Variants in PRKCA observed in about 807,000 individuals in gnomAD.
The protein encoded by PRKCA is protein kinase C alpha.
A neutral mutation model predicts 87.0 loss-of-function variants in PRKCA; 27 were observed. That is an observed-to-expected ratio of 0.31 (90% CI 0.23 to 0.43). PRKCA has a LOEUF of 0.43. Ranked by LOEUF, PRKCA falls within the 20% of genes least tolerant of loss-of-function variation. The pLI is 1.00. For missense variants in PRKCA, 518 were observed against 852.3 expected (o/e 0.61, Z 4.88); for synonymous variants, 329 against 311.1 (o/e 1.06, Z -0.61).
chr17:66,310,319 GCT>G (rs1318009227), intron 2 of PRKCA, among the ~76,000 whole-genome samples: 1 of 151,850 alleles, frequency 6.6e-6, no homozygotes, highest in Non-Finnish European at 1.5e-5. Context: ...TGAGAATTAA[GCT>G]CTGTCAGTAA....
In PRKCA at chr17:66,574,484, C is replaced by G. The variant is rs184966245; in HGVS notation, c.289-66871C>G. 4.6e-5 allele frequency among the ~76,000 whole-genome samples: 7 copies of G among 152,136 alleles called. No homozygotes were observed. In the East Asian group the frequency reaches 9.6e-4, roughly 21 times the overall value. On this transcript the variant is annotated intron_variant, in intron 3 of 16. Coordinates refer to ENST00000413366, the MANE Select transcript of PRKCA (RefSeq NM_002737.3). ...AAAGCACTTAGAACCCTGTCTAGCA[C>G]GGAGAAACAGCGCAGTTGTCACCCC... is the stretch of plus-strand genomic sequence containing the variant.
intron 3 of PRKCA, among the ~76,000 whole-genome samples, chr17:66,531,447 C>G (rs1967537195): frequency 6.6e-6 from 1 of 152,188 alleles, no homozygotes; most frequent in Admixed American, 6.5e-5. Context: ...CCAGAACTCC[C>G]CCATTGACCC....
At chr17:66,406,230 A>G (rs1202109916) in intron 2 of PRKCA, among the ~76,000 whole-genome samples, 1 of 152,166 alleles carries the variant, frequency 6.6e-6, no homozygotes, top group Non-Finnish European at 1.5e-5. Flanking sequence ...CAGGTCTCCC[A>G]TTAAAGAACG....
intron 3 of PRKCA, among the ~76,000 whole-genome samples, chr17:66,631,449 C>T (rs1971007813): frequency 6.6e-6 from 1 of 152,036 alleles, no homozygotes; most frequent in Non-Finnish European, 1.5e-5. Context: ...ACTATGTTGC[C>T]CAGGCTGAAG....
At chr17:66,443,587 G>A (rs933306951) in intron 2 of PRKCA, among the ~76,000 whole-genome samples, 11 of 152,188 alleles carry the variant, frequency 7.2e-5, no homozygotes, top group Non-Finnish European at 1.3e-4. Flanking sequence ...ATGGTGGCAT[G>A]TTGGGCTCTA....
At chr17:66,437,731 T>TTTTTTTTTGTGGG (rs55779501) in intron 2 of PRKCA, among the ~76,000 whole-genome samples, 4 of 11,140 alleles carry the variant, frequency 3.6e-4, no homozygotes, top group Non-Finnish European at 4.9e-4. Context: ...TTTTTTTTTT[T>TTTTTTTTTGTGGG]GAGCGGGGGG....
intron 2 of PRKCA, among the ~76,000 whole-genome samples, chr17:66,385,710 T>C (rs1910022888): frequency 6.6e-6 from 1 of 152,162 alleles, no homozygotes; most frequent in African/African-American, 2.4e-5. Context: ...ACATAGACGC[T>C]GCCTCTACAA....
In PRKCA at chr17:66,546,473, C is replaced by T. The variant is rs542200092; in HGVS notation, c.288+50190C>T. Among the ~76,000 whole-genome samples, 112 of 152,322 alleles carry T rather than the reference C, an allele frequency of 7.4e-4. 1 individual carries two copies. The highest frequency in any genetic ancestry group is 2.7e-3 in the Admixed American group (42 of 15,302). ...TTGAAGGCTCTTGGCAAGAATCTTT[C>T]CTTGCATTTTCCTACGTTGTGTTAG... On this transcript the variant is annotated intron_variant, in intron 3 of 16. Coordinates refer to ENST00000413366, the MANE Select transcript of PRKCA (RefSeq NM_002737.3).
At chr17:66,378,371 G>A (rs1471613011) in intron 2 of PRKCA, among the ~76,000 whole-genome samples, 1 of 152,020 alleles carries the variant, frequency 6.6e-6, no homozygotes, top group Non-Finnish European at 1.5e-5. Context: ...AAAATATAAG[G>A]GATATATGGA....
chr17:66,645,624 C>T, intron 5 of PRKCA, 113 bp downstream of exon 5: 1 of 1,458,052 alleles, frequency 6.9e-7, no homozygotes, highest in South Asian at 1.3e-5. Context: ...TCTGGAGAGG[C>T]AGTCGCCCTG....
chr17:66,647,415 C>T (rs1192287898), intron 5 of PRKCA, among the ~76,000 whole-genome samples: 1 of 152,196 alleles, frequency 6.6e-6, no homozygotes, highest in Non-Finnish European at 1.5e-5. Context: ...CATGTGGCTA[C>T]CTTATGGCTC....
intron 3 of PRKCA, among the ~76,000 whole-genome samples, chr17:66,499,508 A>G (rs1049868395): frequency 2.6e-5 from 4 of 152,238 alleles, no homozygotes; most frequent in Admixed American, 6.5e-5. Flanking sequence ...CCATGGATCA[A>G]TTGATGCCTG....
chr17:66,523,645 C>T (rs1967244415), intron 3 of PRKCA, among the ~76,000 whole-genome samples: 1 of 152,176 alleles, frequency 6.6e-6, no homozygotes, highest in African/African-American at 2.4e-5. Flanking sequence ...ATCATGCTCC[C>T]TTCCCTGAAT....
chr17:66,783,468 GTCC>G (rs1975294375), intron 14 of PRKCA, among the ~76,000 whole-genome samples: 1 of 152,124 alleles, frequency 6.6e-6, no homozygotes, highest in South Asian at 2.1e-4. Context: ...GACAGTAAAA[GTCC>G]TCCTTTCATC....
At chr17:66,438,411 G>T (rs1913530207) in intron 2 of PRKCA, among the ~76,000 whole-genome samples, 1 of 152,112 alleles carries the variant, frequency 6.6e-6, no homozygotes, top group African/African-American at 2.4e-5. Context: ...GAGATTGGGA[G>T]CCCAAACCTG....
At chr17:66,611,730 T>G (rs1970369751) in intron 3 of PRKCA, among the ~76,000 whole-genome samples, 1 of 152,216 alleles carries the variant, frequency 6.6e-6, no homozygotes, top group Non-Finnish European at 1.5e-5. Context: ...GTATTAAGCA[T>G]TTTGAAGAAC....
At chr17:66,405,109 C>T (rs575916434) in intron 2 of PRKCA, among the ~76,000 whole-genome samples, 1 of 152,246 alleles carries the variant, frequency 6.6e-6, no homozygotes, top group Middle Eastern at 3.4e-3. Flanking sequence ...TTTCAGCCCG[C>T]CCCTATCTCT....
At chr17:66,403,285 T>G (rs1052971906) in intron 2 of PRKCA, among the ~76,000 whole-genome samples, 5 of 152,178 alleles carry the variant, frequency 3.3e-5, no homozygotes, top group Admixed American at 2.6e-4. Context: ...GGTTTCCAAT[T>G]TAGTCTACAA....
intron 3 of PRKCA, among the ~76,000 whole-genome samples, chr17:66,568,436 C>T (rs1487571088): frequency 1.3e-5 from 2 of 152,038 alleles, no homozygotes; most frequent in African/African-American, 4.8e-5. Flanking sequence ...AGGAGTAATT[C>T]GTGGTTTAGG....
Sources: allele counts gnomAD v4.1 joint callset (sites outside exome capture counted in the v4.1 genomes callset), GRCh38; gene constraint gnomAD v4.1.1; transcripts MANE v1.5; gene names NCBI Gene and HGNC (gene_info 2026-07-23, HGNC 2026-07-21).